The following RTL4 variants were observed in gnomAD, a reference collection of about 807,000 sequenced individuals.
RTL4 encodes the protein retrotransposon Gag-like protein 4.
RTL4 carries 4 observed loss-of-function variants against 5.3 expected under a neutral mutation model. The observed-to-expected ratio is 0.75, with a 90% CI of 0.37 to 1.72. The LOEUF (loss-of-function observed/expected upper bound fraction) is 1.72, where lower values mean the gene tolerates loss of function less well. RTL4 is among the 40% of genes most tolerant of loss of function. RTL4 has a pLI of 0.04. For missense variants in RTL4, 260 were observed against 227.1 expected (o/e 1.14, Z -0.93); for synonymous variants, 98 against 87.3 (o/e 1.12, Z -0.68).
chrX:112,294,886 C>T, the RTL4 span, among the ~76,000 whole-genome samples: 2,376 of 111,629 alleles, frequency 0.021, 65 homozygotes, highest in African/African-American at 0.071. Flanking sequence ...AATAGATGAC[C>T]TCATGTGTAC....
the RTL4 span, among the ~76,000 whole-genome samples, chrX:112,425,308 C>G: frequency 3.6e-5 from 4 of 111,347 alleles, no homozygotes; most frequent in Non-Finnish European, 7.6e-5. Flanking sequence ...TGGATGTACC[C>G]CAGTTTATTA....
chrX:112,390,106 A>AATATAT, the RTL4 span, among the ~76,000 whole-genome samples: 100 of 17,345 alleles, frequency 5.8e-3, 2 homozygotes, highest in Non-Finnish European at 7.8e-3. Context: ...ATTTATATAT[A>AATATAT]ATATATATAT....
At chrX:112,202,437 T>G in the RTL4 span, among the ~76,000 whole-genome samples, 162 of 110,834 alleles carry the variant, frequency 1.5e-3, no homozygotes, top group African/African-American at 5.0e-3. Context: ...TATGGAAATC[T>G]GTACAGGTTT....
the RTL4 span, among the ~76,000 whole-genome samples, chrX:112,427,948 G>A: frequency 7.1e-5 from 7 of 98,344 alleles, no homozygotes; most frequent in Non-Finnish European, 1.2e-4. Flanking sequence ...CTGAGTCCCC[G>A]AAGTCCATTA....
chrX:112,177,806 A>T, the RTL4 span, among the ~76,000 whole-genome samples: 2 of 111,154 alleles, frequency 1.8e-5, no homozygotes, highest in Non-Finnish European at 3.8e-5. Flanking sequence ...TCACATTTAG[A>T]TAACTATTTC....
At chrX:112,216,216 C>T in the RTL4 span, among the ~76,000 whole-genome samples, 3 of 111,792 alleles carry the variant, frequency 2.7e-5, no homozygotes, top group Non-Finnish European at 5.6e-5. Flanking sequence ...CCCTTTGGAG[C>T]TCTGTCTGTC....
At chrX:112,428,580 T>A in the RTL4 span, among the ~76,000 whole-genome samples, 1 of 111,575 alleles carries the variant, frequency 9.0e-6, no homozygotes, top group African/African-American at 3.3e-5. Context: ...CACAGTGTAG[T>A]CTATCTTGAT....
the RTL4 span, among the ~76,000 whole-genome samples, chrX:112,221,342 A>G: frequency 8.9e-6 from 1 of 111,823 alleles, no homozygotes. Context: ...GGGGATTACA[A>G]TTCAAGATGC....
the RTL4 span, among the ~76,000 whole-genome samples, chrX:112,403,241 G>T: frequency 8.9e-6 from 1 of 111,890 alleles, no homozygotes; most frequent in East Asian, 2.8e-4. Context: ...ATTGGCTTTA[G>T]TAAACAGACT....
At chrX:112,334,129 G>T in the RTL4 span, among the ~76,000 whole-genome samples, 1 of 111,630 alleles carries the variant, frequency 9.0e-6, no homozygotes, top group Non-Finnish European at 1.9e-5. Context: ...CAAGTGACAA[G>T]ATCTTATTCT....
At chrX:112,333,806 AT>A in the RTL4 span, among the ~76,000 whole-genome samples, 1 of 111,780 alleles carries the variant, frequency 8.9e-6, no homozygotes, top group Non-Finnish European at 1.9e-5. Flanking sequence ...AAACAATTTA[AT>A]TACACTCTTT....
the RTL4 span, among the ~76,000 whole-genome samples, chrX:112,398,500 C>T: frequency 3.9e-5 from 4 of 103,792 alleles, no homozygotes; most frequent in South Asian, 1.8e-3. Flanking sequence ...TCCTGGTTCA[C>T]GCCATTCTCC....
At chrX:112,120,223 G>A in the RTL4 span, among the ~76,000 whole-genome samples, 6 of 112,421 alleles carry the variant, frequency 5.3e-5, no homozygotes, top group South Asian at 3.7e-4. Context: ...AAAAGCCTGC[G>A]TTACACAGAT....
chrX:112,395,113 C>T, the RTL4 span, among the ~76,000 whole-genome samples: 4 of 111,831 alleles, frequency 3.6e-5, no homozygotes, highest in Non-Finnish European at 5.6e-5. Context: ...CTGAAGACTT[C>T]ATGACACACT....
chrX:112,115,898 C>T, the RTL4 span, among the ~76,000 whole-genome samples: 1 of 112,282 alleles, frequency 8.9e-6, no homozygotes, highest in Non-Finnish European at 1.9e-5. Flanking sequence ...GGGCGAGTCT[C>T]GCTTGGGCGA....
the RTL4 span, among the ~76,000 whole-genome samples, chrX:112,436,636 A>T: frequency 3.0e-4 from 33 of 111,454 alleles, no homozygotes; most frequent in Non-Finnish European, 3.6e-4. Flanking sequence ...AGCCCCTGAT[A>T]AATCACTTTT....
the RTL4 span, among the ~76,000 whole-genome samples, chrX:112,431,457 T>C: frequency 9.0e-6 from 1 of 111,461 alleles, no homozygotes; most frequent in African/African-American, 3.3e-5. Flanking sequence ...CCTGGAGTTT[T>C]TAACCCTTGC....
At chrX:112,234,156 C>T in the RTL4 span, among the ~76,000 whole-genome samples, 3 of 110,841 alleles carry the variant, frequency 2.7e-5, no homozygotes, top group Non-Finnish European at 5.7e-5. Flanking sequence ...TGCGCCACTG[C>T]ACTCTAGCCT....
the RTL4 span, among the ~76,000 whole-genome samples, chrX:112,266,384 C>A: frequency 0.069 from 7,532 of 109,378 alleles, 638 homozygotes; most frequent in African/African-American, 0.24. Context: ...CCATAGTTGT[C>A]AAGAAAGTCC....
Sources: gnomAD v4.1 joint callset for allele counts (sites outside exome capture counted in the v4.1 genomes callset) on GRCh38, gnomAD v4.1.1 for gene constraint, MANE v1.5 for transcripts, NCBI Gene and HGNC (gene_info 2026-07-23, HGNC 2026-07-21) for gene names.